Variants in RASGEF1A observed in about 807,000 individuals in gnomAD.
RASGEF1A encodes the protein ras-GEF domain-containing family member 1A.
A neutral mutation model predicts 56.4 loss-of-function variants in RASGEF1A; 18 were observed. That is an observed-to-expected ratio of 0.32 (90% CI 0.22 to 0.47). RASGEF1A has a LOEUF of 0.47. Among genes scored for constraint, RASGEF1A ranks in the 20% least tolerant of loss-of-function variants. RASGEF1A has a pLI of 1.00. For missense variants in RASGEF1A, 422 were observed against 627.1 expected, an observed-to-expected ratio of 0.67 and a Z score of 3.49; for synonymous variants, 245 against 242.6, an observed-to-expected ratio of 1.01 and a Z score of -0.09.
At chr10:43,225,779 G>GT (rs1840271985) in intron 1 of RASGEF1A, among the ~76,000 whole-genome samples, 2 of 152,164 alleles carry the variant, frequency 1.3e-5, no homozygotes, top group Non-Finnish European at 2.9e-5. Flanking sequence ...GCCAGTCCCT[G>GT]TTTTAAGGAC....
intron 1 of RASGEF1A, among the ~76,000 whole-genome samples, chr10:43,219,818 A>G (rs1438320526): frequency 6.6e-6 from 1 of 152,248 alleles, no homozygotes; most frequent in Non-Finnish European, 1.5e-5. Flanking sequence ...CTTTTAAATG[A>G]TAACTAATTA....
Position 43,199,809 on chromosome 10 carries a change from A to G in RASGEF1A, c.757-41T>C, listed in dbSNP as rs776503810. 4 of 1,536,764 alleles carry G rather than the reference A, an allele frequency of 2.6e-6. No homozygotes were observed. The East Asian group carries it at 6.8e-5, about 26-fold the overall frequency. ...CAGGTCATAGGGGGCCTGGAGGACC[A>G]TGGCTGGACAACTTAGTCCCCACAG... On this transcript the variant is annotated intron_variant, in intron 6 of 12. Coordinates refer to ENST00000395810, the MANE Select transcript of RASGEF1A (RefSeq NM_145313.4).
chr10:43,214,999 C>T (rs1226277786), intron 1 of RASGEF1A, among the ~76,000 whole-genome samples: 1 of 152,204 alleles, frequency 6.6e-6, no homozygotes, highest in African/African-American at 2.4e-5. Context: ...CTCAGCATTG[C>T]CCCTGAGAGC....
chr10:43,259,285 G>T (rs567489078), intron 1 of RASGEF1A, among the ~76,000 whole-genome samples: 1 of 152,212 alleles, frequency 6.6e-6, no homozygotes, highest in Non-Finnish European at 1.5e-5. Flanking sequence ...CAAGCACAGC[G>T]GGTAGCCTCT....
chr10:43,223,597 A>C (rs563952454), intron 1 of RASGEF1A, among the ~76,000 whole-genome samples: 79 of 152,388 alleles, frequency 5.2e-4, no homozygotes, highest in African/African-American at 1.9e-3. Context: ...AAACTGGAAG[A>C]AGAAACTACT....
Position 43,205,940 on chromosome 10 carries a change from G to T in RASGEF1A, c.177C>A (p.Pro59=), listed in dbSNP as rs1839988538. 4 of 1,613,150 alleles carry T rather than the reference G, an allele frequency of 2.5e-6. No individual in the cohort carries two copies. The highest frequency in any genetic ancestry group is 2.5e-6 in the Non-Finnish European group (3 of 1,179,814). ...TCACATCGGGGTAATAGTCCACCGT[G>T]GGAACAAGGTGCTCCATCAGGGCCT... ...SLEALMEHLV[P]TVDYYPDRTY... The change falls in exon 2 of 13, where the codon CCC becomes CCA. Residue 59 remains proline (P), a synonymous_variant. Coordinates refer to ENST00000395810, the MANE Select transcript of RASGEF1A (RefSeq NM_145313.4).
intron 1 of RASGEF1A, among the ~76,000 whole-genome samples, chr10:43,244,574 T>C (rs902362825): frequency 6.6e-6 from 1 of 150,830 alleles, no homozygotes; most frequent in Admixed American, 6.6e-5. Flanking sequence ...TCAATAAATT[T>C]AAAAGGACTG....
intron 1 of RASGEF1A, among the ~76,000 whole-genome samples, chr10:43,215,104 A>T (rs1840117999): frequency 1.3e-5 from 2 of 152,160 alleles, no homozygotes; most frequent in Non-Finnish European, 2.9e-5. Flanking sequence ...CCTGCAGATG[A>T]TTCGGGGGAC....
At position 43,239,976 on chromosome 10, in the gene RASGEF1A, G is replaced by A. The variant is rs1840482021; in HGVS notation, c.-7+26869C>T. 2.0e-5 allele frequency among the ~76,000 whole-genome samples: 3 copies of A among 152,234 alleles called. No individual in the cohort carries two copies. In the South Asian group the frequency reaches 6.2e-4, roughly 32 times the overall value. ...CATAGGGGTTTTGAAAAACTGCAGT[G>A]CATTCCTGAGAATCTAGAAGGTCAA... On this transcript the variant is annotated intron_variant, in intron 1 of 12. Coordinates refer to ENST00000395810, the MANE Select transcript of RASGEF1A (RefSeq NM_145313.4).
chr10:43,247,788 G>A lies in RASGEF1A; in HGVS notation c.-7+19057C>T, dbSNP rs1319769702. On this transcript the variant is annotated intron_variant, in intron 1 of 12. Coordinates refer to ENST00000395810, the MANE Select transcript of RASGEF1A (RefSeq NM_145313.4). ...ATAATTAAGAAGTTCTGGGCTGGGC[G>A]TGGTGGCTCACACCTATAATCCCAG... is the stretch of plus-strand genomic sequence containing the variant. 5.3e-5 allele frequency among the ~76,000 whole-genome samples: 8 copies of A among 152,156 alleles called. 1 individual carries two copies. The South Asian group carries it at 6.2e-4, about 12-fold the overall frequency.
intron 1 of RASGEF1A, among the ~76,000 whole-genome samples, chr10:43,255,347 C>T (rs764219630): frequency 8.5e-5 from 13 of 152,164 alleles, no homozygotes; most frequent in South Asian, 2.1e-4. Context: ...TGGGCCTGGA[C>T]GGCTCCAGGA....
intron 6 of RASGEF1A, 129 bp downstream of exon 6, chr10:43,200,053 C>T (rs779222849): frequency 5.4e-6 from 4 of 745,522 alleles, no homozygotes; most frequent in East Asian, 2.7e-5. Flanking sequence ...CCACATCCAT[C>T]GGGGCTCATG....
At chr10:43,210,754 A>G (rs1840055015) in intron 1 of RASGEF1A, among the ~76,000 whole-genome samples, 1 of 152,220 alleles carries the variant, frequency 6.6e-6, no homozygotes, top group Admixed American at 6.5e-5. Context: ...GGATGTAGGC[A>G]CAGACGGGGC....
At chr10:43,260,556 G>C (rs977738891) in intron 1 of RASGEF1A, among the ~76,000 whole-genome samples, 2 of 152,174 alleles carry the variant, frequency 1.3e-5, no homozygotes, top group African/African-American at 4.8e-5. Flanking sequence ...GGGCCAAGTG[G>C]CTCCCCAGAC....
Position 43,258,861 on chromosome 10 carries a change from G to A in RASGEF1A, c.-7+7984C>T, listed in dbSNP as rs374857892. On this transcript the variant is annotated intron_variant, in intron 1 of 12. Coordinates refer to ENST00000395810, the MANE Select transcript of RASGEF1A (RefSeq NM_145313.4). ...AGCTCACTGGGCACATGGGCCTCCT[G>A]ACCACCAGGCCCGGGAAGGACAGCT... Among the ~76,000 whole-genome samples, 6 of 152,308 alleles carry A rather than the reference G, an allele frequency of 3.9e-5. No homozygotes were observed. In the South Asian group the frequency reaches 6.2e-4, roughly 16 times the overall value.
At chr10:43,254,062 C>A (rs528698416) in intron 1 of RASGEF1A, among the ~76,000 whole-genome samples, 1 of 152,202 alleles carries the variant, frequency 6.6e-6, no homozygotes, top group Non-Finnish European at 1.5e-5. Flanking sequence ...AGAGGGCAGA[C>A]GGAGACTCAC....
At chr10:43,245,194 A>G (rs1840555556) in intron 1 of RASGEF1A, among the ~76,000 whole-genome samples, 1 of 152,100 alleles carries the variant, frequency 6.6e-6, no homozygotes, top group African/African-American at 2.4e-5. Flanking sequence ...AATTAGATAA[A>G]CTAGATGAAA....
rs912649602 is a variant in RASGEF1A, at chr10:43,196,019, C to T, written c.*225G>A. ...ATACCATCTCCCATGATACTCTCCC[C>T]TCCCCCTCCCCAAAGCAGGGCCCTG... On this transcript the variant is annotated 3_prime_UTR_variant, in exon 13 of 13. Transcript: ENST00000395810. This position sits in a 1 kb window ranked among gnomAD's most constrained non-coding sequence, Gnocchi z 4.6. 1.7e-4 allele frequency: 70 copies of T among 409,658 alleles called. No homozygotes were observed. Among genetic ancestry groups the T allele is most frequent in the African/African-American group, 1.3e-3 (65 of 49,572 alleles). The allele number at this position is 409,658 out of a possible 1,614,324, so 25.4% of individuals were successfully genotyped here. A position where few individuals can be genotyped will look rare whatever the true frequency, so the allele number is the denominator to read the frequency against.
At chr10:43,266,542 CGCCCGGCCCG>C (rs911156313) in intron 1 of RASGEF1A, among the ~76,000 whole-genome samples, 3 of 151,088 alleles carry the variant, frequency 2.0e-5, no homozygotes, top group Admixed American at 6.6e-5. Flanking sequence ...GCTCCTGCCA[CGCCCGGCCCG>C]GCCCGGCCCG....
Sources: allele counts gnomAD v4.1 joint callset (sites outside exome capture counted in the v4.1 genomes callset), GRCh38; gene constraint gnomAD v4.1.1; non-coding constraint Gnocchi (gnomAD v3.1); transcripts MANE v1.5; gene names NCBI Gene and HGNC (gene_info 2026-07-23, HGNC 2026-07-21).